C14orf180: variants seen among roughly 807,000 people sequenced by gnomAD.
C14orf180 encodes the protein chromosome 14 open reading frame 180, also known as nutritionally-regulated adipose and cardiac enriched protein homolog.
C14orf180 carries 13 observed loss-of-function variants against 13.9 expected under a neutral mutation model. The observed-to-expected ratio is 0.94, with a 90% CI of 0.61 to 1.49. The LOEUF (loss-of-function observed/expected upper bound fraction) is 1.49. Ranked by LOEUF, C14orf180 falls within the 40% of genes most tolerant of loss-of-function variation. C14orf180 has a pLI of 0.00. For missense variants in C14orf180, 238 were observed against 232.0 expected (o/e 1.03, Z -0.17); for synonymous variants, 113 against 106.3 (o/e 1.06, Z -0.39).
intron 1 of C14orf180, among the ~76,000 whole-genome samples, chr14:104,580,555 G>A (rs1474456624): frequency 6.6e-6 from 1 of 152,200 alleles, no homozygotes. Context: ...TTGGTGGGGG[G>A]CATCCTCCGA....
chr14:104,584,157 G>A lies in C14orf180; in HGVS notation c.-16-2258G>A, dbSNP rs536899687. Among the ~76,000 whole-genome samples the A allele has an allele frequency of 6.9e-4, 105 of 152,354 alleles. No individual in the cohort carries two copies. In the Middle Eastern group the frequency reaches 0.017, roughly 25 times the overall value. The stretch of plus-strand genomic sequence containing the variant: ...ACTGCGTCCAGCCCTGCATCCCTGC[G>A]TGACTCCGTCGGCCCAAGCCTCTCC... On this transcript the variant is annotated intron_variant, in intron 1 of 4. Transcript: ENST00000557649.
In C14orf180 at chr14:104,589,483, C is replaced by T. The variant is rs1886772449; in HGVS notation, c.*700C>T. On this transcript the variant is annotated 3_prime_UTR_variant, in exon 5 of 5. Transcript: ENST00000557649. The surrounding 1 kb of genome is among the most constrained non-coding windows in gnomAD (Gnocchi z 4.9). Reference sequence around the variant, plus strand: ...GCCATCTGTGCCCAGCTCTGCAGGCCAGGCACACCCAGCTGAGCCCGGGGC... The same window carrying T: ...GCCATCTGTGCCCAGCTCTGCAGGCTAGGCACACCCAGCTGAGCCCGGGGC... 1 of 152,730 alleles carries T rather than the reference C, an allele frequency of 6.5e-6. No homozygotes were observed. The highest frequency in any genetic ancestry group is 6.5e-5 in the Admixed American group (1 of 15,276). 9.5% of individuals were successfully genotyped at this position (152,730 alleles called of 1,614,324 possible).
At chr14:104,588,143 C>CGGCT in intron 3 of C14orf180, 131 bp from the exon 4 acceptor site, 1 of 1,144,932 alleles carries the variant, frequency 8.7e-7, no homozygotes, top group South Asian at 1.3e-5. Context: ...GTGTCAGGAC[C>CGGCT]GGCTGGGCCT....
At position 104,589,168 on chromosome 14, in the gene C14orf180, G is replaced by C. The variant is rs1244077515; in HGVS notation, c.*385G>C. 5.1e-6 allele frequency: 2 copies of C among 390,802 alleles called. No homozygotes were observed. Among genetic ancestry groups the C allele is most frequent in the Non-Finnish European group, 9.0e-6 (2 of 221,854 alleles). 24.2% of individuals were successfully genotyped at this position (390,802 alleles called of 1,614,324 possible). A position where few individuals can be genotyped will look rare whatever the true frequency, so the allele number is the denominator to read the frequency against. ...CACCGTGTGCACCCTCTTGAGGAGG[G>C]GGACACACTGCCCGTGTTCAAGGGG... On this transcript the variant is annotated 3_prime_UTR_variant, in exon 5 of 5. Transcript: ENST00000557649. The surrounding 1 kb of genome is among the most constrained non-coding windows in gnomAD (Gnocchi z 4.9).
Position 104,584,230 on chromosome 14 carries a change from G to A in C14orf180, c.-16-2185G>A, listed in dbSNP as rs1886536675. 3.3e-5 allele frequency among the ~76,000 whole-genome samples: 5 copies of A among 152,334 alleles called. No individual in the cohort carries two copies. The South Asian group carries it at 1.0e-3, about 32-fold the overall frequency. On this transcript the variant is annotated intron_variant, in intron 1 of 4. Coordinates refer to ENST00000557649, the MANE Select transcript of C14orf180 (RefSeq NM_001008404.3). ...TGAACCTGGCTGGGCCCCCTGGAAT[G>A]CTGCTGCAGGGTCGCCTGGCAAGGG...
chr14:104,589,133 G>A lies in C14orf180; in HGVS notation c.*350G>A. On this transcript the variant is annotated 3_prime_UTR_variant, in exon 5 of 5. Coordinates refer to ENST00000557649, the MANE Select transcript of C14orf180 (RefSeq NM_001008404.3). This position sits in a 1 kb window ranked among gnomAD's most constrained non-coding sequence, Gnocchi z 4.9. ...GAACTCCTGCTGCTGCTAGGGCCTGGCCCGGCCATCACCGTGTGCACCCTC... is the reference window on the plus strand; with the variant it reads ...GAACTCCTGCTGCTGCTAGGGCCTGACCCGGCCATCACCGTGTGCACCCTC... 4.2e-6 allele frequency: 2 copies of A among 474,474 alleles called. No individual in the cohort carries two copies. The highest frequency in any genetic ancestry group is 2.0e-5 in the African/African-American group (1 of 49,646). 29.4% of individuals were successfully genotyped at this position (474,474 alleles called of 1,614,324 possible).
At chr14:104,586,257 A>G (rs957044853) in intron 1 of C14orf180, among the ~76,000 whole-genome samples, 158 bp from the exon 2 acceptor site, 1 of 152,196 alleles carries the variant, frequency 6.6e-6, no homozygotes, top group Non-Finnish European at 1.5e-5. Flanking sequence ...CACTGGGGAC[A>G]CCACAGAGGA....
In C14orf180 at chr14:104,587,751, G is replaced by A; in HGVS notation, c.114G>A (p.Glu38=). Residue 38 remains glutamate, a splice_region_variant and synonymous_variant, in exon 3 of 5, where the codon GAG becomes GAA. Transcript: ENST00000557649. ...TCTGCTTCCCGCCCCCACACCAGGAGGACAACAGGAAGTGCCCCCCCTCCA... is the reference window on the plus strand; with the variant it reads ...TCTGCTTCCCGCCCCCACACCAGGAAGACAACAGGAAGTGCCCCCCCTCCA... The part of the protein sequence containing the change: ...WGPRVCRAER[E]DNRKCPPSIL... 6.2e-7 allele frequency: 1 copy of A among 1,612,526 alleles called. No individual in the cohort carries two copies. Among genetic ancestry groups the A allele is most frequent in the Non-Finnish European group, 8.5e-7 (1 of 1,179,580 alleles).
rs966778951 is a variant in C14orf180 at position 104,589,134 on chromosome 14, C to T, written c.*351C>T. On this transcript the variant is annotated 3_prime_UTR_variant, in exon 5 of 5. Transcript: ENST00000557649. This position sits in a 1 kb window ranked among gnomAD's most constrained non-coding sequence, Gnocchi z 4.9. ...AACTCCTGCTGCTGCTAGGGCCTGG[C>T]CCGGCCATCACCGTGTGCACCCTCT... is the stretch of plus-strand genomic sequence containing the variant. The T allele has an allele frequency of 4.2e-6, 2 of 473,350 alleles. No individual in the cohort carries two copies. The highest frequency in any genetic ancestry group is 4.1e-5 in the Admixed American group (1 of 24,398). 29.3% of individuals were successfully genotyped at this position (473,350 alleles called of 1,614,324 possible).
rs1210549930 is a variant in C14orf180 at position 104,588,633 on chromosome 14, C to T, written c.333C>T (p.Cys111=). ...CCCTGCTCCTGCAGCTGTGTGTGTGCGTCCTGCTCGTGCTGGCCCTGGGCC... is the reference window on the plus strand; with the variant it reads ...CCCTGCTCCTGCAGCTGTGTGTGTGTGTCCTGCTCGTGCTGGCCCTGGGCC... The part of the protein sequence containing the change: ...GGSLLLQLCV[C]VLLVLALGLY... The change falls in exon 5 of 5, where the codon TGC becomes TGT. Residue 111 remains cysteine, a synonymous_variant. Transcript: ENST00000557649. 2.2e-5 allele frequency: 33 copies of T among 1,512,808 alleles called. No individual in the cohort carries two copies. The highest frequency in any genetic ancestry group is 1.1e-4 in the African/African-American group (8 of 72,406). The allele number at this position is 1,512,808 out of a possible 1,614,324, so 93.7% of individuals were successfully genotyped here.
rs370128922 is a variant in C14orf180 at position 104,587,785 on chromosome 14, C to T, written c.148C>T (p.Arg50Trp). The T allele has an allele frequency of 2.4e-5, 39 of 1,612,460 alleles. No individual in the cohort carries two copies. The highest frequency in any genetic ancestry group is 3.3e-4 in the Middle Eastern group (2 of 6,050). ...GAAGTGCCCCCCCTCCATCCTGAAA[C>T]GGAGCCGGCCGGAGCACCACCGCCC... ...NRKCPPSILK[R>W]SRPEHHRPEA... The change falls in exon 3 of 5, where the codon CGG becomes TGG. Residue 50 changes from arginine (R) to tryptophan (W), a missense_variant. Physicochemically the swap from Arg to Trp is moderately radical, Grantham distance 101. Transcript: ENST00000557649.
chr14:104,581,889 G>A (rs995176514), intron 1 of C14orf180, among the ~76,000 whole-genome samples: 2 of 146,300 alleles, frequency 1.4e-5, no homozygotes, highest in African/African-American at 5.6e-5. Flanking sequence ...TGAGGCTGCC[G>A]TGTGAATGGG....
At chr14:104,583,121 C>T (rs1886493839) in intron 1 of C14orf180, among the ~76,000 whole-genome samples, 1 of 151,580 alleles carries the variant, frequency 6.6e-6, no homozygotes, top group South Asian at 2.1e-4. Flanking sequence ...GCATGGCCCA[C>T]GTGAAGGTGC....
chr14:104,586,417 C>T lies in C14orf180; in HGVS notation c.-14C>T, dbSNP rs1242808346. The stretch of plus-strand genomic sequence containing the variant: ...AATAACGTCTCTGCTTATCTTAGGA[C>T]CATGTTCCAGTAAATGAGGACTGCA... On this transcript the variant is annotated splice_region_variant and 5_prime_UTR_variant, in exon 2 of 5. Transcript: ENST00000557649. The T allele has an allele frequency of 6.7e-7, 1 of 1,492,190 alleles. No individual in the cohort carries two copies. Among genetic ancestry groups the T allele is most frequent in the Non-Finnish European group, 9.0e-7 (1 of 1,112,374 alleles). 92.4% of individuals were successfully genotyped at this position (1,492,190 alleles called of 1,614,324 possible).
At chr14:104,585,558 C>A (rs185229690) in intron 1 of C14orf180, among the ~76,000 whole-genome samples, 9 of 152,176 alleles carry the variant, frequency 5.9e-5, no homozygotes, top group Non-Finnish European at 1.2e-4. Flanking sequence ...GGCGAGGAGG[C>A]GCCATTCACA....
In C14orf180 at chr14:104,590,460, C is replaced by T. The variant is rs1886808858; in HGVS notation, c.*1677C>T. 6.6e-6 allele frequency: 1 copy of T among 152,302 alleles called. No homozygotes were observed. The highest frequency in any genetic ancestry group is 1.5e-5 in the Non-Finnish European group (1 of 68,060). The allele number at this position is 152,302 out of a possible 1,614,324, so 9.4% of individuals were successfully genotyped here. ...CTGTCTGTCCACTGCAAAGGCAACGCAAGGACGTGCCTGGCTTTGCGGGGT... is the reference window on the plus strand; with the variant it reads ...CTGTCTGTCCACTGCAAAGGCAACGTAAGGACGTGCCTGGCTTTGCGGGGT... On this transcript the variant is annotated 3_prime_UTR_variant, in exon 5 of 5. Coordinates refer to ENST00000557649, the MANE Select transcript of C14orf180 (RefSeq NM_001008404.3).
At chr14:104,587,973 C>T (rs1886692381) in intron 3 of C14orf180, 95 bp downstream of exon 3, 6 of 1,443,624 alleles carry the variant, frequency 4.2e-6, no homozygotes, top group Non-Finnish European at 5.6e-6. Flanking sequence ...CTGGCAGGGC[C>T]CAGGACATGG....
chr14:104,587,753 A>G lies in C14orf180; in HGVS notation c.116A>G (p.Asp39Gly). The G allele has an allele frequency of 6.2e-7, 1 of 1,612,270 alleles. No homozygotes were observed. The highest frequency in any genetic ancestry group is 8.5e-7 in the Non-Finnish European group (1 of 1,179,500). Residue 39 changes from aspartate (D) to glycine (G), a missense_variant, in exon 3 of 5, where the codon GAC becomes GGC. Physicochemically the swap from Asp to Gly is moderately conservative, Grantham distance 94 (BLOSUM62 -1). Coordinates refer to ENST00000557649, the MANE Select transcript of C14orf180 (RefSeq NM_001008404.3). ...GPRVCRAERE[D>G]NRKCPPSILK... ...TGCTTCCCGCCCCCACACCAGGAGG[A>G]CAACAGGAAGTGCCCCCCCTCCATC...
chr14:104,587,289 C>T (rs1198295682), intron 2 of C14orf180, among the ~76,000 whole-genome samples: 1 of 151,974 alleles, frequency 6.6e-6, no homozygotes. Context: ...CTGGGAGGCT[C>T]GGCCCCAGGG....
Sources: gnomAD v4.1 joint callset for allele counts (sites outside exome capture counted in the v4.1 genomes callset) on GRCh38, gnomAD v4.1.1 for gene constraint, Gnocchi (gnomAD v3.1) non-coding constraint, MANE v1.5 for transcripts, NCBI Gene and HGNC (gene_info 2026-07-23, HGNC 2026-07-21) for gene names.